The following DAPK2 variants were observed in gnomAD, a reference collection of about 807,000 sequenced individuals.
DAPK2 encodes death associated protein kinase 2.
DAPK2 carries 35 observed loss-of-function variants against 44.1 expected under a neutral mutation model. The observed-to-expected ratio is 0.79, with a 90% CI of 0.61 to 1.05. DAPK2 has a LOEUF of 1.05. DAPK2 is among the 50% of genes least tolerant of loss of function. DAPK2 has a pLI of 0.00. For missense variants in DAPK2, 453 were observed against 483.2 expected (o/e 0.94, Z 0.59); for synonymous variants, 174 against 182.6 (o/e 0.95, Z 0.38).
In DAPK2 at chr15:64,013,445, A is replaced by G. The variant is rs1011527668; in HGVS notation, c.92+26725T>C. Among the ~76,000 whole-genome samples the G allele has an allele frequency of 1.8e-4, 27 of 152,240 alleles. No individual in the cohort carries two copies. Among genetic ancestry groups the G allele is most frequent in the South Asian group, 2.1e-4 (1 of 4,830 alleles). ...AGTAATTGGGCAGAAAAGTGAAACC[A>G]GGAGAGAAGCTTTCAACAGCTATGT... On this transcript the variant is annotated intron_variant, in intron 1 of 10. Transcript: ENST00000261891. This position sits in a 1 kb window ranked among gnomAD's most constrained non-coding sequence, Gnocchi z 4.7.
intron 4 of DAPK2, among the ~76,000 whole-genome samples, chr15:63,936,857 G>A (rs2077169726): frequency 6.6e-6 from 1 of 151,434 alleles, no homozygotes; most frequent in Non-Finnish European, 1.5e-5. Flanking sequence ...GTGCATGCCT[G>A]TAGACCAAGC....
chr15:63,945,354 C>T (rs926040055), intron 3 of DAPK2, among the ~76,000 whole-genome samples: 2 of 152,172 alleles, frequency 1.3e-5, no homozygotes, highest in African/African-American at 2.4e-5. Context: ...TCCCCTGTGG[C>T]GTCTTGCATC....
chr15:64,009,280 C>T (rs1398843964), intron 1 of DAPK2, among the ~76,000 whole-genome samples: 2 of 152,148 alleles, frequency 1.3e-5, no homozygotes, highest in African/African-American at 4.8e-5. Context: ...TAGACTTTTA[C>T]AGACCAACAC....
chr15:64,003,037 G>A (rs934174793), intron 1 of DAPK2, among the ~76,000 whole-genome samples: 3 of 144,306 alleles, frequency 2.1e-5, no homozygotes, highest in African/African-American at 7.6e-5. Context: ...AGGTGGTGGG[G>A]TAGTGTTAAG....
rs3056849 is a variant in DAPK2, at chr15:64,002,916, C to CTGTGTGTGTGTGTGTGTGTGTG, written c.93-19184_93-19163dup. Among the ~76,000 whole-genome samples the CTGTGTGTGTGTGTGTGTGTGTG allele has an allele frequency of 7.0e-5, 6 of 86,140 alleles. 1 individual carries two copies. Among genetic ancestry groups the CTGTGTGTGTGTGTGTGTGTGTG allele is most frequent in the Non-Finnish European group, 1.3e-4 (6 of 44,492 alleles). The allele number at this position is 86,140 out of a possible 152,430, so 56.5% of individuals were successfully genotyped here. On this transcript the variant is annotated intron_variant, in intron 1 of 10. Transcript: ENST00000261891. ...AGGGAGGGAGAGAAAGACTGAGACA[C>CTGTGTGTGTGTGTGTGTGTGTG]TGTGTGTGTGTGTGTGTGTGTGTGT...
chr15:63,972,717 T>G (rs1384600414), intron 2 of DAPK2, among the ~76,000 whole-genome samples: 1 of 152,116 alleles, frequency 6.6e-6, no homozygotes, highest in Non-Finnish European at 1.5e-5. Context: ...CTTGACTACT[T>G]AAAGTAAAAT....
intron 1 of DAPK2, among the ~76,000 whole-genome samples, chr15:64,031,167 G>A (rs893079582): frequency 1.3e-5 from 2 of 151,968 alleles, no homozygotes; most frequent in Admixed American, 6.6e-5. Context: ...ATGGGAATGT[G>A]ATCCAAGTCC....
chr15:63,932,747 A>G (rs2077008794), intron 4 of DAPK2: 1 of 152,176 alleles, frequency 6.6e-6, no homozygotes, highest in Non-Finnish European at 1.5e-5. Context: ...GTCCTCTTGC[A>G]TCCTGCTACT....
At chr15:63,975,488 G>C (rs2078318216) in intron 2 of DAPK2, among the ~76,000 whole-genome samples, 1 of 152,046 alleles carries the variant, frequency 6.6e-6, no homozygotes, top group Non-Finnish European at 1.5e-5. Context: ...GCTCAGAGAG[G>C]TTAAGCAACT....
chr15:63,926,748 A>T (rs1180777914), intron 6 of DAPK2, among the ~76,000 whole-genome samples: 1 of 152,192 alleles, frequency 6.6e-6, no homozygotes, highest in Non-Finnish European at 1.5e-5. Flanking sequence ...TCTGGATCAG[A>T]TGTGCCATTG....
intron 7 of DAPK2, among the ~76,000 whole-genome samples, chr15:63,925,675 A>AGCGC (rs35207515): frequency 0.2 from 25,692 of 129,288 alleles, 2,983 homozygotes; most frequent in East Asian, 0.54. Context: ...GCTGACTTGT[A>AGCGC]GCGCACACAC....
intron 8 of DAPK2, chr15:63,922,140 A>AAAT (rs1166720635): frequency 3.6e-5 from 9 of 249,266 alleles, no homozygotes; most frequent in Non-Finnish European, 5.7e-5. Flanking sequence ...AGTTACATGT[A>AAAT]AATAATAATA....
intron 1 of DAPK2, among the ~76,000 whole-genome samples, chr15:63,991,008 C>T (rs918474585): frequency 6.6e-6 from 1 of 152,078 alleles, no homozygotes; most frequent in Non-Finnish European, 1.5e-5. Context: ...TATTTCCCAC[C>T]CTTTCCCAAC....
intron 3 of DAPK2, among the ~76,000 whole-genome samples, chr15:63,940,086 A>G (rs1384856862): frequency 6.6e-6 from 1 of 151,928 alleles, no homozygotes; most frequent in African/African-American, 2.4e-5. Flanking sequence ...GCCCTCACAC[A>G]CCCCAGACTC....
intron 1 of DAPK2, among the ~76,000 whole-genome samples, chr15:64,033,789 T>A (rs1041555617): frequency 2.6e-5 from 4 of 151,888 alleles, no homozygotes; most frequent in African/African-American, 7.3e-5. Flanking sequence ...GCGCTTATAG[T>A]CCCAGCTACT....
chr15:64,019,679 T>A (rs906024829), intron 1 of DAPK2, among the ~76,000 whole-genome samples: 9 of 152,264 alleles, frequency 5.9e-5, no homozygotes, highest in African/African-American at 2.2e-4. Flanking sequence ...TAGCCTTTTT[T>A]TCCTACATGC....
intron 1 of DAPK2, among the ~76,000 whole-genome samples, chr15:63,994,161 A>G (rs2078886592): frequency 1.3e-5 from 2 of 152,176 alleles, no homozygotes; most frequent in African/African-American, 4.8e-5. Flanking sequence ...CCAGCCTGTA[A>G]GAGCCTGGAG....
intron 3 of DAPK2, among the ~76,000 whole-genome samples, chr15:63,968,678 C>T (rs2078123239): frequency 1.3e-5 from 2 of 152,194 alleles, no homozygotes; most frequent in African/African-American, 2.4e-5. Context: ...TACAGCTCTG[C>T]CAGGTAGGTA....
chr15:63,912,681 C>T lies in DAPK2; in HGVS notation c.859-484G>A, dbSNP rs977751036. On this transcript the variant is annotated intron_variant, in intron 8 of 10. Transcript: ENST00000261891. This position sits in a 1 kb window ranked among gnomAD's most constrained non-coding sequence, Gnocchi z 4.4. ...GGCAACAGGATGTGCAGTTGCTTTT[C>T]ACAGCCTGGCAGTCAGAGCTCAGCT... Among the ~76,000 whole-genome samples the T allele has an allele frequency of 4.6e-5, 7 of 152,222 alleles. No individual in the cohort carries two copies. The highest frequency in any genetic ancestry group is 1.5e-5 in the Non-Finnish European group (1 of 68,038).
Sources: allele counts gnomAD v4.1 joint callset (sites outside exome capture counted in the v4.1 genomes callset), GRCh38; gene constraint gnomAD v4.1.1; non-coding constraint Gnocchi (gnomAD v3.1); transcripts MANE v1.5; gene names NCBI Gene and HGNC (gene_info 2026-07-23, HGNC 2026-07-21).